Variants in CTNNA3 observed in about 807,000 individuals in gnomAD.
CTNNA3 encodes the protein catenin alpha 3, also known as catenin alpha-3.
In CTNNA3, 76 loss-of-function variants were observed where a neutral mutation model predicts 95.7. That is an observed-to-expected ratio of 0.79 (90% confidence interval 0.66 to 0.96). The LOEUF (loss-of-function observed/expected upper bound fraction) is 0.96. CTNNA3 is among the 40% of genes least tolerant of loss of function. The pLI is 0.00. For missense variants in CTNNA3, 1,191 were observed against 1,089.8 expected (o/e 1.09, Z -1.31); for synonymous variants, 431 against 374.4 (o/e 1.15, Z -1.74).
intron 15 of CTNNA3, among the ~76,000 whole-genome samples, chr10:66,023,839 G>A (rs531848968): frequency 3.9e-5 from 6 of 152,130 alleles, no homozygotes; most frequent in Non-Finnish European, 5.9e-5. Flanking sequence ...GTGCACTGTC[G>A]CAGTTCCCCA....
In CTNNA3 at chr10:67,732,032, G is replaced by A. The variant is rs529317168; in HGVS notation, c.-2+31402C>T. Among the ~76,000 whole-genome samples the A allele has an allele frequency of 2.7e-5, 4 of 150,632 alleles. No homozygotes were observed. The South Asian group carries it at 8.4e-4, about 32-fold the overall frequency. On this transcript the variant is annotated intron_variant, in intron 1 of 17. Transcript: ENST00000684154. ...CCTAACCTTATGATCCACCCACCTC[G>A]GCCTCCCAAAGTGCTGAGATTACAG...
chr10:66,975,748 T>C (rs1239038965), intron 7 of CTNNA3, among the ~76,000 whole-genome samples: 3 of 152,164 alleles, frequency 2.0e-5, no homozygotes, highest in Non-Finnish European at 4.4e-5. Flanking sequence ...TTTCTGCTCT[T>C]TATTCTTGGC....
At chr10:67,019,785 A>G (rs770767410) in intron 7 of CTNNA3, among the ~76,000 whole-genome samples, 1 of 152,070 alleles carries the variant, frequency 6.6e-6, no homozygotes, top group Non-Finnish European at 1.5e-5. Flanking sequence ...GTCCTATTTG[A>G]CTTTTGATGC....
At chr10:67,573,195 T>A (rs1204117273) in intron 3 of CTNNA3, among the ~76,000 whole-genome samples, 1 of 152,276 alleles carries the variant, frequency 6.6e-6, no homozygotes, top group Non-Finnish European at 1.5e-5. Flanking sequence ...GTATAGACAA[T>A]GATGGGATTA....
rs539649721 is a variant in CTNNA3 at position 66,689,503 on chromosome 10, T to A, written c.1282-67719A>T. On this transcript the variant is annotated intron_variant, in intron 9 of 17. Transcript: ENST00000433211. ...TTTTGGAACAATCCCAATTATTTGT[T>A]AAGAGTCACTTGCTATTAACATGAA... Among the ~76,000 whole-genome samples the A allele has an allele frequency of 1.6e-3, 245 of 152,284 alleles. 2 individuals carry two copies. The highest frequency in any genetic ancestry group is 5.6e-3 in the African/African-American group (232 of 41,538).
chr10:66,449,860 C>A (rs759191971), intron 11 of CTNNA3, among the ~76,000 whole-genome samples: 3 of 151,928 alleles, frequency 2.0e-5, no homozygotes, highest in Non-Finnish European at 2.9e-5. Context: ...ACTGGATGGA[C>A]AAATGACAGT....
chr10:65,967,191 C>G (rs2077989256), intron 16 of CTNNA3, among the ~76,000 whole-genome samples: 1 of 151,736 alleles, frequency 6.6e-6, no homozygotes, highest in African/African-American at 2.4e-5. Context: ...CTCCTGACCT[C>G]ATGATCTGCC....
intron 12 of CTNNA3, among the ~76,000 whole-genome samples, chr10:66,344,717 TTA>T (rs1257260265): frequency 6.6e-6 from 1 of 152,108 alleles, no homozygotes; most frequent in African/African-American, 2.4e-5. Context: ...TTATGAAAGT[TTA>T]TGATTTCTAT....
rs150467738 is a variant in CTNNA3, at chr10:67,201,230, G to A, written c.843+18377C>T. On this transcript the variant is annotated intron_variant, in intron 6 of 17. Coordinates refer to ENST00000433211, the MANE Select transcript of CTNNA3 (RefSeq NM_013266.4). Reference sequence around the variant, plus strand: ...TTTCCACGTGAAACAAATAGGATTAGTCTACCTCCTATAATGCAACTACCT... The same window carrying A: ...TTTCCACGTGAAACAAATAGGATTAATCTACCTCCTATAATGCAACTACCT... Among the ~76,000 whole-genome samples, 187 of 152,276 alleles carry A rather than the reference G, an allele frequency of 1.2e-3. 2 individuals are homozygous for A. Among genetic ancestry groups the A allele is most frequent in the African/African-American group, 4.4e-3 (181 of 41,554 alleles).
chr10:66,198,330 G>T (rs2087097827), intron 13 of CTNNA3, among the ~76,000 whole-genome samples: 1 of 152,080 alleles, frequency 6.6e-6, no homozygotes, highest in South Asian at 2.1e-4. Context: ...TCTGTCATCT[G>T]AAACTATCGG....
chr10:66,680,502 A>G (rs1359002381), intron 9 of CTNNA3, among the ~76,000 whole-genome samples: 1 of 152,194 alleles, frequency 6.6e-6, no homozygotes. Context: ...GCCCATGTGG[A>G]TTGGTATGTA....
intron 7 of CTNNA3, among the ~76,000 whole-genome samples, chr10:66,858,038 GA>G (rs780578190): frequency 5.3e-5 from 8 of 151,876 alleles, no homozygotes; most frequent in Admixed American, 1.3e-4. Context: ...GTTGGCTGTA[GA>G]TTTTTTTTGG....
At chr10:67,459,232 T>G (rs540228083) in intron 5 of CTNNA3, among the ~76,000 whole-genome samples, 2 of 152,212 alleles carry the variant, frequency 1.3e-5, no homozygotes, top group East Asian at 3.8e-4. Flanking sequence ...CCAATTAGTA[T>G]GAGTGTAGAA....
chr10:67,306,202 T>C (rs1482420434), intron 5 of CTNNA3, among the ~76,000 whole-genome samples: 3 of 152,176 alleles, frequency 2.0e-5, no homozygotes, highest in African/African-American at 4.8e-5. Flanking sequence ...GGTGGCCTTT[T>C]AATTTTTTTA....
intron 7 of CTNNA3, among the ~76,000 whole-genome samples, chr10:67,080,151 T>C (rs114925023): frequency 0.011 from 1,706 of 152,234 alleles, 21 homozygotes; most frequent in African/African-American, 0.036. Flanking sequence ...CGTTAAAAAA[T>C]TCCCTCTTCT....
chr10:65,997,286 A>T (rs1466504016), intron 15 of CTNNA3, among the ~76,000 whole-genome samples: 1 of 152,218 alleles, frequency 6.6e-6, no homozygotes, highest in African/African-American at 2.4e-5. Context: ...GAAAAAAATG[A>T]ATTAGGCCTG....
chr10:67,665,682 C>T (rs879429286), intron 1 of CTNNA3: 2 of 152,118 alleles, frequency 1.3e-5, no homozygotes, highest in African/African-American at 2.4e-5. Context: ...CTGACAAGCA[C>T]CCTAGTGTAT....
chr10:66,062,479 A>AG (rs1002670806), intron 15 of CTNNA3, among the ~76,000 whole-genome samples: 1 of 152,126 alleles, frequency 6.6e-6, no homozygotes, highest in Admixed American at 6.6e-5. Context: ...AATGTGACAA[A>AG]GGTGGAACCA....
intron 5 of CTNNA3, among the ~76,000 whole-genome samples, chr10:67,289,308 T>G (rs1414292246): frequency 1.3e-5 from 2 of 152,170 alleles, no homozygotes; most frequent in Non-Finnish European, 2.9e-5. Context: ...AAAGCACCAG[T>G]TGCAAATAGC....
Sources: allele counts gnomAD v4.1 joint callset (sites outside exome capture counted in the v4.1 genomes callset), GRCh38; gene constraint gnomAD v4.1.1; transcripts MANE v1.5; gene names NCBI Gene and HGNC (gene_info 2026-07-23, HGNC 2026-07-21).